Variants in ATP10B observed in about 807,000 individuals in gnomAD.
The protein encoded by ATP10B is phospholipid-transporting ATPase VB.
Under a neutral mutation model 141.2 loss-of-function variants are expected in ATP10B, and 122 were observed. The observed-to-expected ratio is 0.86, with a 90% CI of 0.75 to 1.00. ATP10B has a LOEUF of 1.00. ATP10B is among the 50% of genes least tolerant of loss of function. The pLI, the probability that ATP10B is intolerant of heterozygous loss-of-function variation, is 0.00. For synonymous variants in ATP10B, 685 were observed against 692.0 expected (o/e 0.99, Z 0.16); for missense variants, 1,876 against 1,825.3 (o/e 1.03, Z -0.51).
Position 160,603,967 on chromosome 5 carries a change from G to T in ATP10B, c.3235C>A (p.Gln1079Lys). Reference sequence around the variant, plus strand: ...AGAATAGTTGCAGAGAACAATACCTGCATGCCTTCCTGTCCAGATATTCCA... The same window carrying T: ...AGAATAGTTGCAGAGAACAATACCTTCATGCCTTCCTGTCCAGATATTCCA... ...GIGISGQEGM[Q>K]AVMSSDFAIT... Residue 1079 changes from glutamine to lysine, a missense_variant and splice_region_variant, in exon 20 of 26, where the codon CAG (glutamine) becomes AAG (lysine). Transcript: ENST00000327245. The T allele has an allele frequency of 6.2e-7, 1 of 1,612,378 alleles. No homozygotes were observed. Among genetic ancestry groups the T allele is most frequent in the Non-Finnish European group, 8.5e-7 (1 of 1,178,630 alleles).
chr5:160,570,649 C>T (rs1324995683), intron 24 of ATP10B, among the ~76,000 whole-genome samples: 1 of 152,204 alleles, frequency 6.6e-6, no homozygotes, highest in Non-Finnish European at 1.5e-5. Flanking sequence ...TCACTCAACT[C>T]ACTGGCATTA....
At chr5:160,879,147 C>A in the ATP10B span, among the ~76,000 whole-genome samples, 1 of 56,962 alleles carries the variant, frequency 1.8e-5, no homozygotes, top group Non-Finnish European at 3.5e-5. Flanking sequence ...AAATGTCCAA[C>A]AATGATAGAC....
chr5:160,567,259 A>G (rs927190653), intron 25 of ATP10B, among the ~76,000 whole-genome samples: 18 of 152,192 alleles, frequency 1.2e-4, no homozygotes, highest in Non-Finnish European at 2.4e-4. Context: ...ACATGTGAAT[A>G]TAGTTATAAA....
the ATP10B span, among the ~76,000 whole-genome samples, chr5:160,910,852 T>C: frequency 1.3e-5 from 2 of 152,346 alleles, no homozygotes; most frequent in African/African-American, 4.8e-5. Context: ...CCAAGTTTCA[T>C]CATAAAATTT....
chr5:160,843,852 T>A (rs1225420155), intron 1 of ATP10B, among the ~76,000 whole-genome samples: 1 of 152,136 alleles, frequency 6.6e-6, no homozygotes, highest in Non-Finnish European at 1.5e-5. Flanking sequence ...TTTTTTCATT[T>A]TGTAATATTT....
chr5:160,871,587 T>C, the ATP10B span, among the ~76,000 whole-genome samples: 1 of 152,188 alleles, frequency 6.6e-6, no homozygotes, highest in African/African-American at 2.4e-5. Context: ...TTCTCATAGT[T>C]TAGCTCCCAC....
intron 2 of ATP10B, among the ~76,000 whole-genome samples, chr5:160,784,818 T>C (rs1771012322): frequency 6.6e-6 from 1 of 152,140 alleles, no homozygotes; most frequent in African/African-American, 2.4e-5. Context: ...TTTCATAGTA[T>C]CATCTTATAG....
intron 24 of ATP10B, among the ~76,000 whole-genome samples, chr5:160,583,016 A>T (rs1755654869): frequency 6.6e-6 from 1 of 152,060 alleles, no homozygotes; most frequent in African/African-American, 2.4e-5. Context: ...CTTGCATTGC[A>T]TTAGAACATG....
At chr5:160,701,561 C>CA (rs1764675411) in intron 3 of ATP10B, among the ~76,000 whole-genome samples, 1 of 152,146 alleles carries the variant, frequency 6.6e-6, no homozygotes, top group Admixed American at 6.5e-5. Flanking sequence ...ACAAGGCAAT[C>CA]ACCCTTCTAC....
At position 160,788,715 on chromosome 5, in the gene ATP10B, C is replaced by G. The variant is rs1771353436; in HGVS notation, c.-575-2912G>C. On this transcript the variant is annotated intron_variant, in intron 1 of 25. Coordinates refer to ENST00000327245, the MANE Select transcript of ATP10B (RefSeq NM_025153.3). ...AATTTTTCTTCTCCTTTATCACCAT[C>G]CAACCACTATTTAGTGAATAGCTAC... is the stretch of plus-strand genomic sequence containing the variant. Among the ~76,000 whole-genome samples the G allele has an allele frequency of 1.3e-5, 2 of 152,132 alleles. 1 individual carries two copies. The highest frequency in any genetic ancestry group is 4.8e-5 in the African/African-American group (2 of 41,416).
chr5:160,633,194 C>T (rs1184358511), intron 12 of ATP10B: 1 of 152,190 alleles, frequency 6.6e-6, no homozygotes, highest in East Asian at 1.9e-4. Flanking sequence ...ACCATTTGAC[C>T]AGCAATCCCA....
the ATP10B span, among the ~76,000 whole-genome samples, chr5:160,871,984 G>A: frequency 6.6e-6 from 1 of 152,038 alleles, no homozygotes; most frequent in African/African-American, 2.4e-5. Context: ...GTTTTCCATA[G>A]TGGCTGTACT....
At chr5:160,878,284 A>G in the ATP10B span, among the ~76,000 whole-genome samples, 1 of 152,032 alleles carries the variant, frequency 6.6e-6, no homozygotes, top group East Asian at 1.9e-4. Flanking sequence ...CAATGGGGAA[A>G]GGATTCCCTA....
chr5:160,784,372 TA>T (rs1334659377), intron 2 of ATP10B, among the ~76,000 whole-genome samples: 2 of 152,218 alleles, frequency 1.3e-5, no homozygotes, highest in Non-Finnish European at 2.9e-5. Context: ...CTCAAATTCT[TA>T]TCTAAAAAAC....
chr5:160,924,801 G>A, the ATP10B span, among the ~76,000 whole-genome samples: 2 of 152,208 alleles, frequency 1.3e-5, no homozygotes, highest in Non-Finnish European at 2.9e-5. Flanking sequence ...ATAAGGAAAT[G>A]TTATCACAGA....
At chr5:160,782,436 C>CAT (rs1770779556) in intron 2 of ATP10B, among the ~76,000 whole-genome samples, 2 of 107,102 alleles carry the variant, frequency 1.9e-5, no homozygotes, top group African/African-American at 3.7e-5. Context: ...TTTCTTCCTC[C>CAT]ATACACACAC....
At chr5:160,740,537 C>T (rs1402242519) in intron 2 of ATP10B, among the ~76,000 whole-genome samples, 9 of 152,184 alleles carry the variant, frequency 5.9e-5, no homozygotes, top group Admixed American at 5.2e-4. Context: ...TATCACCTTT[C>T]CCCTGAGAGT....
chr5:160,613,017 T>C, intron 17 of ATP10B, 92 bp from the exon 18 acceptor site: 1 of 1,251,888 alleles, frequency 8.0e-7, no homozygotes, highest in Non-Finnish European at 1.1e-6. Context: ...GCAATGTTTA[T>C]TGGATAGCAT....
At chr5:160,578,314 G>A (rs997539975) in intron 24 of ATP10B, among the ~76,000 whole-genome samples, 5 of 152,080 alleles carry the variant, frequency 3.3e-5, no homozygotes, top group Admixed American at 2.6e-4. Flanking sequence ...ATCTACATTA[G>A]GTATTTCTCC....
Sources: allele counts gnomAD v4.1 joint callset (sites outside exome capture counted in the v4.1 genomes callset), GRCh38; gene constraint gnomAD v4.1.1; transcripts MANE v1.5; gene names NCBI Gene and HGNC (gene_info 2026-07-23, HGNC 2026-07-21).